DGKI: variants seen among roughly 807,000 people sequenced by gnomAD.
DGKI encodes the protein diacylglycerol kinase iota.
DGKI carries 55 observed loss-of-function variants against 147.5 expected under a neutral mutation model. That is an observed-to-expected ratio of 0.37 (90% confidence interval 0.30 to 0.47). The LOEUF is 0.47. Among genes scored for constraint, DGKI ranks in the 20% least tolerant of loss-of-function variants. The pLI is 1.00. For missense variants in DGKI, 1,007 were observed against 1,323.8 expected (o/e 0.76, Z 3.71); for synonymous variants, 469 against 477.1 (o/e 0.98, Z 0.22).
chr7:137,697,309 C>T (rs535438003), intron 1 of DGKI, among the ~76,000 whole-genome samples: 19 of 152,256 alleles, frequency 1.2e-4, no homozygotes, highest in African/African-American at 4.3e-4. Flanking sequence ...TAATGCTACC[C>T]TTTATAAACT....
intron 1 of DGKI, among the ~76,000 whole-genome samples, chr7:137,786,753 C>T (rs1472301139): frequency 2.6e-5 from 4 of 151,876 alleles, no homozygotes; most frequent in South Asian, 2.1e-4. Context: ...AGGAAAACAG[C>T]GTGGTACTGG....
intron 17 of DGKI, among the ~76,000 whole-genome samples, chr7:137,574,896 T>C (rs1818917538): frequency 6.6e-6 from 1 of 152,204 alleles, no homozygotes; most frequent in South Asian, 2.1e-4. Flanking sequence ...TTACTAGCTA[T>C]TGCATTAGAA....
rs147011481 is a variant in DGKI at position 137,573,593 on chromosome 7, C to T, written c.1762-755G>A. ...CTAATTTTTGTATTTTTAGTAGAGA[C>T]GGGGTTTCACCATGTTGGCCAGACT... On this transcript the variant is annotated intron_variant, in intron 17 of 32. Coordinates refer to ENST00000614521, the MANE Select transcript of DGKI (RefSeq NM_001321708.2). Among the ~76,000 whole-genome samples the T allele has an allele frequency of 2.5e-3, 374 of 152,210 alleles. 5 individuals carry two copies. The East Asian group carries it at 0.055, about 22-fold the overall frequency.
intron 1 of DGKI, among the ~76,000 whole-genome samples, chr7:137,818,071 A>T (rs183613049): frequency 3.3e-5 from 5 of 152,350 alleles, no homozygotes; most frequent in Admixed American, 3.3e-4. Context: ...CCATTTGGTT[A>T]CAAAGATGAG....
intron 1 of DGKI, among the ~76,000 whole-genome samples, chr7:137,775,711 G>A (rs1165959483): frequency 3.3e-5 from 5 of 152,144 alleles, no homozygotes; most frequent in South Asian, 4.1e-4. Flanking sequence ...GCAACATTAC[G>A]TGTAATAGCA....
At chr7:137,461,436 AC>A (rs1341159594) in intron 27 of DGKI, among the ~76,000 whole-genome samples, 1 of 152,260 alleles carries the variant, frequency 6.6e-6, no homozygotes, top group Non-Finnish European at 1.5e-5. Flanking sequence ...CTGCAATTAT[AC>A]CTATTTGTAT....
In DGKI at chr7:137,846,435, T is replaced by C; in HGVS notation, c.401+27A>G. 1 of 1,538,094 alleles carries C rather than the reference T, an allele frequency of 6.5e-7. No homozygotes were observed. The highest frequency in any genetic ancestry group is 8.8e-7 in the Non-Finnish European group (1 of 1,132,532). ...TGGGTCTCCCGCCGCGGCGCACCTGTCTCGGCTGCCGGCTCCCCGCACCTA... is the reference window on the plus strand; with the variant it reads ...TGGGTCTCCCGCCGCGGCGCACCTGCCTCGGCTGCCGGCTCCCCGCACCTA... On this transcript the variant is annotated intron_variant, in intron 1 of 32. Coordinates refer to ENST00000614521, the MANE Select transcript of DGKI (RefSeq NM_001321708.2). This position sits in a 1 kb window ranked among gnomAD's most constrained non-coding sequence, Gnocchi z 4.0.
chr7:137,505,317 C>T (rs1352498197), intron 21 of DGKI, among the ~76,000 whole-genome samples: 1 of 152,118 alleles, frequency 6.6e-6, no homozygotes, highest in Non-Finnish European at 1.5e-5. Flanking sequence ...AGAGAACGTG[C>T]ATTGAGAAGC....
chr7:137,723,487 T>C (rs1001406578), intron 1 of DGKI, among the ~76,000 whole-genome samples: 1 of 152,094 alleles, frequency 6.6e-6, no homozygotes, highest in Non-Finnish European at 1.5e-5. Flanking sequence ...AGCTAATAGT[T>C]ACGCCTCATG....
Position 137,581,916 on chromosome 7 carries a change from C to T in DGKI, c.1576G>A (p.Val526Ile). 6.2e-7 allele frequency: 1 copy of T among 1,613,328 alleles called. No individual in the cohort carries two copies. Among genetic ancestry groups the T allele is most frequent in the Non-Finnish European group, 8.5e-7 (1 of 1,179,442 alleles). ...CCAAGGCTGAAGTAGTTATTGAAAA[C>T]ATTCAGAGGGAGCTGCAATGATAAA... is the stretch of plus-strand genomic sequence containing the variant. ...EDGVCKLPLN[V>I]FNNYFSLGFD... is the part of the protein sequence containing the mutation. The change falls in exon 15 of 33, where the codon GTT becomes ATT. Residue 526 changes from valine (V) to isoleucine (I), a missense_variant. Transcript: ENST00000614521.
Position 137,505,762 on chromosome 7 carries a change from A to T in DGKI, c.2248+16104T>A, listed in dbSNP as rs192692094. The stretch of plus-strand genomic sequence containing the variant: ...CCAAAAAATACATAGAATTCTTAAA[A>T]CCCAACAATAAGAGAGCCAATTAAA... On this transcript the variant is annotated intron_variant, in intron 21 of 32. Coordinates refer to ENST00000614521, the MANE Select transcript of DGKI (RefSeq NM_001321708.2). Among the ~76,000 whole-genome samples, 238 of 152,000 alleles carry T rather than the reference A, an allele frequency of 1.6e-3. 1 individual carries two copies. The highest frequency in any genetic ancestry group is 5.1e-3 in the African/African-American group (212 of 41,496).
chr7:137,458,660 T>C (rs36071642), intron 27 of DGKI, among the ~76,000 whole-genome samples: 7,223 of 152,262 alleles, frequency 0.047, 204 homozygotes, highest in Middle Eastern at 0.11. Flanking sequence ...GAGTTTTCAT[T>C]CCATGCCTAT....
chr7:137,819,186 G>C (rs1036962719), intron 1 of DGKI, among the ~76,000 whole-genome samples: 3 of 152,030 alleles, frequency 2.0e-5, no homozygotes, highest in Admixed American at 2.0e-4. Context: ...TAGCTATTGA[G>C]TACAGCCCAC....
chr7:137,747,557 A>G lies in DGKI; in HGVS notation c.402-57555T>C, dbSNP rs527393880. ...CCTCTAGGGGGTATGTAAACTCCCA[A>G]AAATTCTGTAACGGGGTCTTTGAGC... On this transcript the variant is annotated intron_variant, in intron 1 of 32. Transcript: ENST00000614521. Among the ~76,000 whole-genome samples, 8 of 152,324 alleles carry G rather than the reference A, an allele frequency of 5.3e-5. No homozygotes were observed. In the South Asian group the frequency reaches 1.4e-3, roughly 28 times the overall value.
chr7:137,472,370 T>A (rs746681889), intron 23 of DGKI, among the ~76,000 whole-genome samples: 62 of 2,868 alleles, frequency 0.022, 6 homozygotes, highest in Non-Finnish European at 0.038. Flanking sequence ...ATACATATAA[T>A]TATTATATGT....
chr7:137,576,709 GGAGA>G (rs1249843639), intron 17 of DGKI, among the ~76,000 whole-genome samples: 1 of 152,120 alleles, frequency 6.6e-6, no homozygotes, highest in African/African-American at 2.4e-5. Context: ...TGACCAGGTG[GGAGA>G]GTGAGTCACC....
At chr7:137,524,882 A>C (rs1402790368) in intron 20 of DGKI, among the ~76,000 whole-genome samples, 4 of 152,110 alleles carry the variant, frequency 2.6e-5, no homozygotes, top group Non-Finnish European at 4.4e-5. Context: ...TTGGAGAATG[A>C]CTGCTGACCA....
intron 3 of DGKI, among the ~76,000 whole-genome samples, chr7:137,660,229 AG>A (rs1362349883): frequency 6.6e-6 from 1 of 152,098 alleles, no homozygotes; most frequent in East Asian, 1.9e-4. Context: ...GGGTGGGCAG[AG>A]GGGGGAACAT....
At chr7:137,391,581 T>C (rs1292500813) in intron 32 of DGKI, among the ~76,000 whole-genome samples, 5 of 152,178 alleles carry the variant, frequency 3.3e-5, no homozygotes, top group African/African-American at 1.2e-4. Context: ...GGAAAGAGTT[T>C]ATCACTTTTG....
Sources: gnomAD v4.1 joint callset for allele counts (sites outside exome capture counted in the v4.1 genomes callset) on GRCh38, gnomAD v4.1.1 for gene constraint, Gnocchi (gnomAD v3.1) non-coding constraint, MANE v1.5 for transcripts, NCBI Gene and HGNC (gene_info 2026-07-23, HGNC 2026-07-21) for gene names.